The following RNF38 variants were observed in gnomAD, a reference collection of about 807,000 sequenced individuals.
RNF38 encodes ring finger protein 38.
RNF38 carries 15 observed loss-of-function variants against 67.2 expected under a neutral mutation model. The ratio of observed to expected loss-of-function variants is 0.22; its 90% CI spans 0.15 to 0.34. RNF38 has a LOEUF of 0.34. Ranked by LOEUF, RNF38 falls within the 10% of genes least tolerant of loss-of-function variation. The pLI is 1.00. For missense variants in RNF38, 524 were observed against 639.9 expected (o/e 0.82, Z 1.95); for synonymous variants, 220 against 218.8 (o/e 1.01, Z -0.05).
chr9:36,454,128 C>CAT (rs555696027), intron 1 of RNF38, among the ~76,000 whole-genome samples: 1 of 146,184 alleles, frequency 6.8e-6, no homozygotes, highest in Admixed American at 6.8e-5. Context: ...TTCTTTCATA[C>CAT]TTTTTTTTTT....
At position 36,344,789 on chromosome 9, in the gene RNF38, T is replaced by C. The variant is rs556325895; in HGVS notation, c.1385+43A>G. 7.7e-5 allele frequency: 123 copies of C among 1,589,250 alleles called. 1 individual carries two copies. In the South Asian group the frequency reaches 1.3e-3, roughly 16 times the overall value. On this transcript the variant is annotated intron_variant, in intron 10 of 11. Coordinates refer to ENST00000259605, the MANE Select transcript of RNF38 (RefSeq NM_022781.5). ...CTCTTAAGCTTTTATTTCATAAAGG[T>C]AGAAAAGGAAATTTAGCAGTGATGT...
intron 1 of RNF38, among the ~76,000 whole-genome samples, chr9:36,460,255 G>T (rs1434065347): frequency 1.3e-5 from 2 of 152,032 alleles, no homozygotes; most frequent in African/African-American, 4.8e-5. Context: ...TAATTTATTG[G>T]CACAACTGAT....
intron 1 of RNF38, among the ~76,000 whole-genome samples, chr9:36,431,719 A>G (rs1021792636): frequency 1.2e-4 from 18 of 152,210 alleles, no homozygotes; most frequent in Admixed American, 3.9e-4. Context: ...TTAGGTAGGC[A>G]TGACTGATAA....
intron 1 of RNF38, chr9:36,487,160 T>C (rs1252199877): frequency 6.6e-6 from 3 of 454,964 alleles, no homozygotes; most frequent in Non-Finnish European, 8.7e-6. Context: ...GGCGCAGGGC[T>C]CGCAGGGGCT....
At chr9:36,400,422 C>T, upstream of RNF38, 2 of 1,111,034 alleles carry the variant, frequency 1.8e-6, no homozygotes, top group Non-Finnish European at 2.2e-6. Context: ...CTCCTCGCCA[C>T]CGCGGGAACA....
At chr9:36,390,821 T>C (rs953168406) in intron 1 of RNF38, among the ~76,000 whole-genome samples, 1 of 152,170 alleles carries the variant, frequency 6.6e-6, no homozygotes, top group Non-Finnish European at 1.5e-5. Flanking sequence ...ACAAAAACTG[T>C]TGGAGGCAAA....
chr9:36,368,975 C>G (rs1469844662), intron 4 of RNF38, among the ~76,000 whole-genome samples: 1 of 152,092 alleles, frequency 6.6e-6, no homozygotes, highest in Non-Finnish European at 1.5e-5. Context: ...GGCAACCTCT[C>G]TCCTCAGCTG....
Position 36,391,613 on chromosome 9 carries a change from T to C in RNF38, c.13-997A>G, listed in dbSNP as rs867914159. Among the ~76,000 whole-genome samples the C allele has an allele frequency of 8.4e-4, 110 of 131,294 alleles. 2 individuals carry two copies. In the South Asian group the frequency reaches 0.025, roughly 30 times the overall value. 86.1% of individuals were successfully genotyped at this position (131,294 alleles called of 152,430 possible). A position where few individuals can be genotyped will look rare whatever the true frequency, so the allele number is the denominator to read the frequency against. ...CAAAAACAAAGGCATCGTTTCCTACTTTTTTTTTTTTTTTTTTTTGAGATG... is the reference window on the plus strand; with the variant it reads ...CAAAAACAAAGGCATCGTTTCCTACCTTTTTTTTTTTTTTTTTTTGAGATG... On this transcript the variant is annotated intron_variant, in intron 1 of 11. Transcript: ENST00000259605.
At chr9:36,475,025 C>T (rs1187485009) in intron 1 of RNF38, among the ~76,000 whole-genome samples, 1 of 139,018 alleles carries the variant, frequency 7.2e-6, no homozygotes, top group Non-Finnish European at 1.6e-5. Context: ...ACTTGTCGTC[C>T]GAGCTACCCA....
Position 36,457,153 on chromosome 9 carries a change from T to C in RNF38, n.241+30155A>G, listed in dbSNP as rs140434563. 2.0e-4 allele frequency among the ~76,000 whole-genome samples: 31 copies of C among 152,360 alleles called. 1 individual carries two copies. In the East Asian group the frequency reaches 5.0e-3, roughly 25 times the overall value. ...AAACAAAACCTTAAAATCTGATTTC[T>C]GCTAGATGAATTTATATTAAAGTAG... On this transcript the variant is annotated intron_variant and non_coding_transcript_variant, in intron 1 of 3. Coordinates refer to the RNF38 transcript ENST00000488058.
intron 2 of RNF38, among the ~76,000 whole-genome samples, chr9:36,409,469 T>C (rs745834132): frequency 2.6e-5 from 4 of 152,174 alleles, no homozygotes; most frequent in African/African-American, 4.8e-5. Flanking sequence ...CTTAAGAAGT[T>C]TGAGATGCAA....
chr9:36,402,688 A>C (rs1489691627), upstream of RNF38, among the ~76,000 whole-genome samples: 2 of 152,102 alleles, frequency 1.3e-5, no homozygotes, highest in Non-Finnish European at 2.9e-5. Flanking sequence ...AGCAGCAAAA[A>C]TCTATTACAG....
At chr9:36,361,869 C>T (rs1834563217) in intron 4 of RNF38, among the ~76,000 whole-genome samples, 1 of 152,002 alleles carries the variant, frequency 6.6e-6, no homozygotes, top group Non-Finnish European at 1.5e-5. Flanking sequence ...TTAAACTCAC[C>T]TCCTGCCACA....
At chr9:36,406,987 C>A (rs1838199145) in intron 2 of RNF38, among the ~76,000 whole-genome samples, 1 of 151,832 alleles carries the variant, frequency 6.6e-6, no homozygotes, top group African/African-American at 2.4e-5. Flanking sequence ...CATGATGAAA[C>A]CCCATCTCCA....
chr9:36,460,885 CAAAA>C (rs752827635), intron 1 of RNF38, among the ~76,000 whole-genome samples: 11 of 52,960 alleles, frequency 2.1e-4, no homozygotes, highest in Non-Finnish European at 3.0e-4. Flanking sequence ...GAAACTCTCT[CAAAA>C]AAAAAAAAAA....
Position 36,342,372 on chromosome 9 carries a change from G to A in RNF38, c.1438C>T (p.Pro480Ser). 1 of 1,613,884 alleles carries A rather than the reference G, an allele frequency of 6.2e-7. No homozygotes were observed. The highest frequency in any genetic ancestry group is 8.5e-7 in the Non-Finnish European group (1 of 1,179,848). The change falls in exon 11 of 12, where the codon CCC becomes TCC. Residue 480 changes from proline to serine, a missense_variant. Physicochemically the swap from Pro to Ser is moderately conservative, Grantham distance 74. This residue lies in a region of RNF38 where 63 missense variants were observed against 122.5 expected (regional missense o/e 0.51). Coordinates refer to ENST00000259605, the MANE Select transcript of RNF38 (RefSeq NM_022781.5). Reference protein sequence around the residue: ...FESRQLLRVLPCNHEFHAKCV... With the variant: ...FESRQLLRVLSCNHEFHAKCV... ...TTGGCATGGAACTCGTGGTTACAGG[G>A]TAAGACTCTAAGTAGCTGCCTTGAC...
chr9:36,413,353 T>C (rs982366634), intron 2 of RNF38, among the ~76,000 whole-genome samples: 4 of 152,128 alleles, frequency 2.6e-5, no homozygotes, highest in African/African-American at 7.2e-5. Context: ...TGCGGCACCA[T>C]GCTTTGTATA....
At chr9:36,401,604 G>A (rs929302014), upstream of RNF38, among the ~76,000 whole-genome samples, 1 of 152,040 alleles carries the variant, frequency 6.6e-6, no homozygotes, top group Non-Finnish European at 1.5e-5. Context: ...GGGGAAATAA[G>A]AACAAAGATT....
intron 3 of RNF38, chr9:36,372,442 AG>A (rs1162026493): frequency 3.1e-6 from 2 of 646,214 alleles, no homozygotes; most frequent in East Asian, 5.5e-5. Flanking sequence ...ATTTATTAAT[AG>A]TATCCCTCTT....
Sources: gnomAD v4.1 joint callset for allele counts (sites outside exome capture counted in the v4.1 genomes callset) on GRCh38, gnomAD v4.1.1 for gene constraint, gnomAD v4.1.1 regional missense constraint, MANE v1.5 for transcripts, NCBI Gene and HGNC (gene_info 2026-07-23, HGNC 2026-07-21) for gene names.